Variants in TEX15 observed in about 807,000 individuals in gnomAD.
TEX15 encodes the protein testis-expressed protein 15.
In TEX15, 171 loss-of-function variants were observed where a neutral mutation model predicts 237.3. The observed-to-expected ratio is 0.72, with a 90% CI of 0.64 to 0.82. The LOEUF is 0.82. TEX15 is among the 40% of genes least tolerant of loss of function. TEX15 has a pLI of 0.00. For synonymous variants in TEX15, 1,338 were observed against 1,269.8 expected (o/e 1.05, Z -1.14); for missense variants, 3,750 against 3,646.5 (o/e 1.03, Z -0.73).
intron 3 of TEX15, among the ~76,000 whole-genome samples, chr8:30,877,376 C>A (rs1808422128): frequency 6.6e-6 from 1 of 152,154 alleles, no homozygotes; most frequent in South Asian, 2.1e-4. Context: ...TTTAAGGCAA[C>A]TTCCATATAA....
At chr8:30,872,055 T>C (rs1451230394) in intron 4 of TEX15, among the ~76,000 whole-genome samples, 1 of 152,114 alleles carries the variant, frequency 6.6e-6, no homozygotes, top group African/African-American at 2.4e-5. Context: ...TAGCAGGAGA[T>C]CTTGTTCAGA....
rs375845485 is a variant in TEX15, at chr8:30,847,547, A to G, written c.2620T>C (p.Cys874Arg). Residue 874 changes from cysteine (C) to arginine (R), a missense_variant, in exon 8 of 11, where the codon TGT becomes CGT. Physicochemically the swap from Cys to Arg is radical, Grantham distance 180. Coordinates refer to ENST00000643185, the MANE Select transcript of TEX15 (RefSeq NM_001350162.2). The stretch of plus-strand genomic sequence containing the variant: ...ATGTTCTCTATGTTGTTTTCTACAC[A>G]TGAAGCACTATTCTCTTTAGCCTCA... ...QNEAKENSAS[C>R]VENNIENIYG... 6.2e-6 allele frequency: 10 copies of G among 1,612,944 alleles called. No individual in the cohort carries two copies. The African/African-American group carries it at 8.0e-5, about 13-fold the overall frequency.
chr8:30,868,585 A>G (rs780002166), intron 4 of TEX15, among the ~76,000 whole-genome samples: 4 of 152,044 alleles, frequency 2.6e-5, no homozygotes, highest in Non-Finnish European at 5.9e-5. Context: ...CATCATTAAC[A>G]GTAGGCAGGA....
chr8:30,835,733 C>T (rs541450194), intron 10 of TEX15, among the ~76,000 whole-genome samples: 56 of 152,280 alleles, frequency 3.7e-4, no homozygotes, highest in African/African-American at 1.3e-3. Flanking sequence ...GATAAATGCA[C>T]ATTTCAATTT....
intron 7 of TEX15, among the ~76,000 whole-genome samples, chr8:30,851,568 G>A (rs1383234945): frequency 6.6e-6 from 1 of 151,994 alleles, no homozygotes; most frequent in Non-Finnish European, 1.5e-5. Flanking sequence ...TGAGGCGGAG[G>A]TTGCAGTGAG....
chr8:30,833,398 C>A, intron 10 of TEX15, 75 bp from the exon 11 acceptor site: 2 of 1,169,664 alleles, frequency 1.7e-6, no homozygotes, highest in Non-Finnish European at 2.4e-6. Flanking sequence ...GTGGAAAGAA[C>A]CTGAGTTTAA....
chr8:30,875,645 G>T (rs1470935679), intron 3 of TEX15, among the ~76,000 whole-genome samples: 1 of 152,136 alleles, frequency 6.6e-6, no homozygotes, highest in East Asian at 1.9e-4. Flanking sequence ...AAATCCTATG[G>T]AAGTGAACTC....
chr8:30,888,694 T>G (rs765769751), intron 2 of TEX15: 24 of 1,265,432 alleles, frequency 1.9e-5, no homozygotes, highest in Non-Finnish European at 2.4e-5. Flanking sequence ...GTTCCAACAT[T>G]AGATCACAAT....
In TEX15 at chr8:30,846,503, C is replaced by A. The variant is rs1807614125; in HGVS notation, c.3664G>T (p.Val1222Phe). 2 of 1,613,474 alleles carry A rather than the reference C, an allele frequency of 1.2e-6. No individual in the cohort carries two copies. The highest frequency in any genetic ancestry group is 1.7e-6 in the Non-Finnish European group (2 of 1,179,744). Residue 1222 changes from valine (V) to phenylalanine (F), a missense_variant, in exon 8 of 11, where the codon GTT (valine) becomes TTT (phenylalanine). By Grantham distance (50) the Val-to-Phe change is conservative. Coordinates refer to ENST00000643185, the MANE Select transcript of TEX15 (RefSeq NM_001350162.2). ...CCTGATTCTTGCCTTATATTATCAA[C>A]TTTATCTTCACATGGATAATCTGCA... ...ENADYPCEDK[V>F]DNIRQESGPV...
chr8:30,898,756 A>ATC lies in TEX15; in HGVS notation c.-26_-25dup. ...GAAATACTTACCACTCTTCAATGGC[A>ATC]TCCAGCATTACACAGTTATAATCAG... On this transcript the variant is annotated 5_prime_UTR_variant, in exon 2 of 11. In the 5' UTR this introduces an upstream ATG that the reference lacks. Transcript: ENST00000643185. 6.6e-6 allele frequency: 1 copy of ATC among 152,378 alleles called. No homozygotes were observed. Among genetic ancestry groups the ATC allele is most frequent in the East Asian group, 1.9e-4 (1 of 5,186 alleles). 9.4% of individuals were successfully genotyped at this position (152,378 alleles called of 1,614,324 possible).
Position 30,842,958 on chromosome 8 carries a change from T to G in TEX15, c.7209A>C (p.Lys2403Asn). 2 of 1,610,674 alleles carry G rather than the reference T, an allele frequency of 1.2e-6. No individual in the cohort carries two copies. Among genetic ancestry groups the G allele is most frequent in the Non-Finnish European group, 1.7e-6 (2 of 1,178,914 alleles). ...RCTDHLEILK[K>N]YFQMLQDNNM... ...TATTATCTTGTAGCATCTGAAAGTA[T>G]TTTTTTAAAATTTCTAAGTGATCTG... Residue 2403 changes from lysine (K) to asparagine (N), a missense_variant, in exon 8 of 11, where the codon AAA (lysine) becomes AAC (asparagine). By Grantham distance (94) the Lys-to-Asn change is moderately conservative. Coordinates refer to ENST00000643185, the MANE Select transcript of TEX15 (RefSeq NM_001350162.2).
intron 7 of TEX15, among the ~76,000 whole-genome samples, chr8:30,853,909 GAATT>G: frequency 6.6e-6 from 1 of 151,880 alleles, no homozygotes; most frequent in East Asian, 1.9e-4. Flanking sequence ...AAAAACCAAT[GAATT>G]AAAGAATAAA....
chr8:30,837,550 T>C lies in TEX15; in HGVS notation c.8734A>G (p.Asn2912Asp). Residue 2912 changes from asparagine (N) to aspartate (D), a missense_variant, in exon 10 of 11, where the codon AAT (asparagine) becomes GAT (aspartate). Coordinates refer to ENST00000643185, the MANE Select transcript of TEX15 (RefSeq NM_001350162.2). ...TCTTGAAGTTCAAAGACTGTGTCAT[T>C]CATTTCTAGATCAGGATGGACATCT... Reference protein sequence around the residue: ...VKDVHPDLEMNDTVFELQDND... With the variant: ...VKDVHPDLEMDDTVFELQDND... 6.2e-7 allele frequency: 1 copy of C among 1,613,988 alleles called. No individual in the cohort carries two copies. Among genetic ancestry groups the C allele is most frequent in the Non-Finnish European group, 8.5e-7 (1 of 1,179,938 alleles).
chr8:30,883,946 A>G (rs1489675299), intron 3 of TEX15, among the ~76,000 whole-genome samples: 1 of 152,150 alleles, frequency 6.6e-6, no homozygotes, highest in Non-Finnish European at 1.5e-5. Flanking sequence ...CAATGGTTGA[A>G]CTAATTTACA....
chr8:30,856,465 G>T (rs1232491330), intron 7 of TEX15, among the ~76,000 whole-genome samples: 1 of 151,976 alleles, frequency 6.6e-6, no homozygotes, highest in Non-Finnish European at 1.5e-5. Context: ...GAGACGGGAG[G>T]ATTGCTTGAG....
chr8:30,855,393 T>C (rs1235297421), intron 7 of TEX15, among the ~76,000 whole-genome samples: 1 of 152,212 alleles, frequency 6.6e-6, no homozygotes, highest in Admixed American at 6.5e-5. Context: ...ACTCATATTC[T>C]GAAAACTATA....
intron 5 of TEX15, among the ~76,000 whole-genome samples, chr8:30,860,976 C>T (rs1268102334): frequency 6.6e-6 from 1 of 151,334 alleles, no homozygotes; most frequent in East Asian, 1.9e-4. Flanking sequence ...GGACAAGTGA[C>T]TTGCAATTAC....
chr8:30,840,356 C>T (rs1807423255), intron 8 of TEX15, among the ~76,000 whole-genome samples: 1 of 152,034 alleles, frequency 6.6e-6, no homozygotes, highest in African/African-American at 2.4e-5. Context: ...CCACCACACC[C>T]AGCTGATATT....
chr8:30,833,133 T>C lies in TEX15; in HGVS notation c.*153A>G. On this transcript the variant is annotated 3_prime_UTR_variant, in exon 11 of 11. Coordinates refer to ENST00000643185, the MANE Select transcript of TEX15 (RefSeq NM_001350162.2). ...AAATTGATGTCCTATATGATATGTG[T>C]TAGATTATTTGTATATTTTACAAAG... The C allele has an allele frequency of 1.7e-6, 1 of 580,100 alleles. No homozygotes were observed. Among genetic ancestry groups the C allele is most frequent in the Non-Finnish European group, 3.1e-6 (1 of 327,142 alleles). The allele number at this position is 580,100 out of a possible 1,614,324, so 35.9% of individuals were successfully genotyped here.
Sources: gnomAD v4.1 joint callset for allele counts (sites outside exome capture counted in the v4.1 genomes callset) on GRCh38, gnomAD v4.1.1 for gene constraint, MANE v1.5 for transcripts, NCBI Gene and HGNC (gene_info 2026-07-23, HGNC 2026-07-21) for gene names.